TCERG1L: variants seen among roughly 807,000 people sequenced by gnomAD.
TCERG1L encodes the protein transcription elongation regulator 1 like, also known as transcription elongation regulator 1-like protein.
Under a neutral mutation model 56.3 loss-of-function variants are expected in TCERG1L, and 37 were observed. That is an observed-to-expected ratio of 0.66 (90% CI 0.51 to 0.87). The LOEUF is 0.87. Among genes scored for constraint, TCERG1L ranks in the 40% least tolerant of loss-of-function variants. The pLI is 0.00. For synonymous variants in TCERG1L, 324 were observed against 326.3 expected, an observed-to-expected ratio of 0.99 and a Z score of 0.08; for missense variants, 799 against 774.2, an observed-to-expected ratio of 1.03 and a Z score of -0.38.
chr10:131,131,181 TG>T (rs1188024423), intron 8 of TCERG1L, among the ~76,000 whole-genome samples: 2 of 152,188 alleles, frequency 1.3e-5, no homozygotes, highest in African/African-American at 4.8e-5. Context: ...AGGTTTCTGA[TG>T]CTCAGGCGTT....
At chr10:131,301,219 G>C (rs1421700318) in intron 3 of TCERG1L, among the ~76,000 whole-genome samples, 1 of 151,852 alleles carries the variant, frequency 6.6e-6, no homozygotes, top group Non-Finnish European at 1.5e-5. Flanking sequence ...TCAAGACTGG[G>C]GGTTTCTTAC....
intron 3 of TCERG1L, among the ~76,000 whole-genome samples, chr10:131,289,826 TCTC>T (rs1325447956): frequency 1.8e-5 from 1 of 54,468 alleles, no homozygotes; most frequent in African/African-American, 5.8e-5. Context: ...ACTGCCTCCA[TCTC>T]CTATCGGTGT....
intron 4 of TCERG1L, among the ~76,000 whole-genome samples, chr10:131,178,499 C>T (rs1350384321): frequency 6.6e-6 from 1 of 152,182 alleles, no homozygotes; most frequent in African/African-American, 2.4e-5. Flanking sequence ...GCCCCCTAGC[C>T]ATGCAGGTCA....
intron 10 of TCERG1L, among the ~76,000 whole-genome samples, chr10:131,101,357 T>C (rs1483291810): frequency 6.6e-6 from 1 of 152,194 alleles, no homozygotes; most frequent in Non-Finnish European, 1.5e-5. Flanking sequence ...TAAACGAGAA[T>C]ATTTGGAAGG....
intron 3 of TCERG1L, among the ~76,000 whole-genome samples, chr10:131,268,809 A>C (rs893028116): frequency 2.0e-5 from 3 of 152,204 alleles, no homozygotes; most frequent in Non-Finnish European, 4.4e-5. Context: ...CAGCCTTCAC[A>C]GAGTTGAAGA....
At chr10:131,172,154 A>G (rs1846098580) in intron 4 of TCERG1L, among the ~76,000 whole-genome samples, 1 of 152,148 alleles carries the variant, frequency 6.6e-6, no homozygotes, top group Admixed American at 6.5e-5. Flanking sequence ...TGTGGAGTAA[A>G]TCCCAAAGGA....
At chr10:131,155,720 G>A (rs1157493592) in intron 6 of TCERG1L, among the ~76,000 whole-genome samples, 1 of 152,164 alleles carries the variant, frequency 6.6e-6, no homozygotes, top group East Asian at 1.9e-4. Context: ...TGGCTGCCTG[G>A]GAACGAAAGC....
At chr10:131,295,065 A>G (rs563357899) in intron 3 of TCERG1L, among the ~76,000 whole-genome samples, 3 of 152,196 alleles carry the variant, frequency 2.0e-5, no homozygotes, top group East Asian at 1.9e-4. Context: ...GAATGTCACA[A>G]AAGTGGAATA....
At chr10:131,291,076 T>C (rs961404559) in intron 3 of TCERG1L, among the ~76,000 whole-genome samples, 1 of 152,180 alleles carries the variant, frequency 6.6e-6, no homozygotes, top group Admixed American at 6.5e-5. Flanking sequence ...CACTTGGTGG[T>C]TTAAATTTAC....
intron 2 of TCERG1L, 104 bp downstream of exon 2, chr10:131,309,049 T>G: frequency 7.3e-7 from 1 of 1,377,470 alleles, no homozygotes; most frequent in Non-Finnish European, 9.7e-7. Context: ...AGATGGCCAA[T>G]TTATGGCAAC....
chr10:131,233,939 G>A (rs1026604754), intron 4 of TCERG1L, among the ~76,000 whole-genome samples: 6 of 152,168 alleles, frequency 3.9e-5, no homozygotes, highest in Non-Finnish European at 5.9e-5. Context: ...GATTAGTTCC[G>A]TAGAGAGTGG....
At chr10:131,176,040 G>A (rs552311406) in intron 4 of TCERG1L, among the ~76,000 whole-genome samples, 6 of 152,270 alleles carry the variant, frequency 3.9e-5, no homozygotes, top group East Asian at 1.9e-4. Flanking sequence ...TACAGCTGCC[G>A]ACAGACGGAG....
At chr10:131,153,334 G>T (rs1307038276) in intron 6 of TCERG1L, among the ~76,000 whole-genome samples, 1 of 152,126 alleles carries the variant, frequency 6.6e-6, no homozygotes, top group Non-Finnish European at 1.5e-5. Flanking sequence ...CTTCACCAAA[G>T]GTCAGGGCAG....
At position 131,260,181 on chromosome 10, in the gene TCERG1L, G is replaced by A; in HGVS notation, c.856+78C>T. ...CAGGTCCCACAGCGCCTGGGCCCAG[G>A]CCAGGGGCATCTAACCAGGAAGCCT... is the stretch of plus-strand genomic sequence containing the variant. On this transcript the variant is annotated intron_variant, in intron 4 of 11. Coordinates refer to ENST00000368642, the MANE Select transcript of TCERG1L (RefSeq NM_174937.4). This position sits in a 1 kb window ranked among gnomAD's most constrained non-coding sequence, Gnocchi z 5.8. The A allele has an allele frequency of 1.6e-6, 2 of 1,264,662 alleles. No individual in the cohort carries two copies. The highest frequency in any genetic ancestry group is 2.0e-6 in the Non-Finnish European group (2 of 1,004,596). The allele number at this position is 1,264,662 out of a possible 1,614,324, so 78.3% of individuals were successfully genotyped here. A position where few individuals can be genotyped will look rare whatever the true frequency, so the allele number is the denominator to read the frequency against.
At chr10:131,105,660 T>C (rs1355638988) in intron 9 of TCERG1L, among the ~76,000 whole-genome samples, 2 of 152,174 alleles carry the variant, frequency 1.3e-5, no homozygotes, top group Non-Finnish European at 2.9e-5. Flanking sequence ...TCATGGATAT[T>C]TAGCCCATGC....
intron 9 of TCERG1L, among the ~76,000 whole-genome samples, chr10:131,108,724 G>A (rs1479420529): frequency 6.6e-6 from 1 of 152,226 alleles, no homozygotes; most frequent in Non-Finnish European, 1.5e-5. Context: ...CCTCAGCCCA[G>A]ATCCCACTGG....
intron 8 of TCERG1L, among the ~76,000 whole-genome samples, chr10:131,129,985 G>T (rs1845600738): frequency 1.3e-5 from 2 of 151,760 alleles, no homozygotes; most frequent in Non-Finnish European, 2.9e-5. Context: ...CCACCATGCA[G>T]GAAACTGCCC....
At chr10:131,293,662 C>A (rs1316260924) in intron 3 of TCERG1L, among the ~76,000 whole-genome samples, 1 of 152,160 alleles carries the variant, frequency 6.6e-6, no homozygotes, top group Non-Finnish European at 1.5e-5. Flanking sequence ...GTACCCTTGG[C>A]CTGTAAGAGA....
intron 3 of TCERG1L, among the ~76,000 whole-genome samples, chr10:131,268,409 G>T (rs778294094): frequency 6.6e-6 from 1 of 152,156 alleles, no homozygotes; most frequent in Non-Finnish European, 1.5e-5. Flanking sequence ...ATTTAGCATC[G>T]TTCTTGAGGG....
Sources: allele counts gnomAD v4.1 joint callset (sites outside exome capture counted in the v4.1 genomes callset), GRCh38; gene constraint gnomAD v4.1.1; non-coding constraint Gnocchi (gnomAD v3.1); transcripts MANE v1.5; gene names NCBI Gene and HGNC (gene_info 2026-07-23, HGNC 2026-07-21).